The following TMPRSS6 variants were observed in gnomAD, a reference collection of about 807,000 sequenced individuals.
TMPRSS6 encodes the protein transmembrane serine protease 6.
In TMPRSS6, 67 loss-of-function variants were observed where a neutral mutation model predicts 101.5. That is an observed-to-expected ratio of 0.66 (90% CI 0.54 to 0.81). The LOEUF is 0.81. TMPRSS6 is among the 30% of genes least tolerant of loss of function. TMPRSS6 has a pLI of 0.00. For synonymous variants in TMPRSS6, 453 were observed against 464.9 expected, an observed-to-expected ratio of 0.97 and a Z score of 0.33; for missense variants, 1,034 against 1,088.7, an observed-to-expected ratio of 0.95 and a Z score of 0.71.
chr22:37,087,528 G>A (rs1928881290), intron 7 of TMPRSS6, among the ~76,000 whole-genome samples: 1 of 152,138 alleles, frequency 6.6e-6, no homozygotes, highest in Non-Finnish European at 1.5e-5. Flanking sequence ...CCGGGGATGG[G>A]GCATTTCCCC....
chr22:37,103,521 A>C lies in TMPRSS6; in HGVS notation c.-1-103T>G. ...GAAGCAGGACTTCCCTGCCTTTTGGAGTGGAAGAGTAACAACATCAGGCGG... is the reference window on the plus strand; with the variant it reads ...GAAGCAGGACTTCCCTGCCTTTTGGCGTGGAAGAGTAACAACATCAGGCGG... On this transcript the variant is annotated intron_variant, in intron 1 of 17. Coordinates refer to ENST00000676104, the MANE Select transcript of TMPRSS6 (RefSeq NM_001374504.1). This position sits in a 1 kb window ranked among gnomAD's most constrained non-coding sequence, Gnocchi z 4.4. The C allele has an allele frequency of 1.2e-6, 2 of 1,614,116 alleles. No homozygotes were observed. The highest frequency in any genetic ancestry group is 8.5e-7 in the Non-Finnish European group (1 of 1,180,028).
rs774483155 is a variant in TMPRSS6, at chr22:37,095,888, T to G, written c.589+18A>C. On this transcript the variant is annotated intron_variant, in intron 5 of 17. Transcript: ENST00000676104. ...AACCTCATGAGGCCAACCCCACGTT[T>G]CCACTCGCAGTACTGACCCAGGATC... 1.2e-6 allele frequency: 2 copies of G among 1,613,812 alleles called. No homozygotes were observed. The highest frequency in any genetic ancestry group is 3.3e-5 in the Admixed American group (2 of 60,012).
At chr22:37,080,515 C>T (rs1489526572) in intron 10 of TMPRSS6, among the ~76,000 whole-genome samples, 5 of 152,248 alleles carry the variant, frequency 3.3e-5, no homozygotes, top group Admixed American at 6.5e-5. Flanking sequence ...TCTTTGCCAC[C>T]CACACAAGCA....
intron 10 of TMPRSS6, among the ~76,000 whole-genome samples, chr22:37,081,654 G>A (rs1451672108): frequency 6.6e-6 from 1 of 152,134 alleles, no homozygotes; most frequent in East Asian, 1.9e-4. Context: ...CAGAGAGAGG[G>A]GGAGCTATGG....
chr22:37,086,248 C>G (rs375045842), intron 8 of TMPRSS6, 35 bp downstream of exon 8: 126 of 1,613,914 alleles, frequency 7.8e-5, no homozygotes, highest in Admixed American at 1.7e-4. Flanking sequence ...TCTACCACCA[C>G]CCCTCCCCTG....
At chr22:37,093,014 A>G (rs1257155505) in intron 6 of TMPRSS6, among the ~76,000 whole-genome samples, 1 of 152,088 alleles carries the variant, frequency 6.6e-6, no homozygotes, top group Non-Finnish European at 1.5e-5. Flanking sequence ...TGTCTCCCTC[A>G]TGGGGCTTAA....
chr22:37,078,814 G>A (rs1433152559), intron 10 of TMPRSS6, among the ~76,000 whole-genome samples: 6 of 144,690 alleles, frequency 4.1e-5, no homozygotes, highest in Non-Finnish European at 7.5e-5. Context: ...AAGAGGAGAA[G>A]GAGAAGAAGA....
intron 6 of TMPRSS6, among the ~76,000 whole-genome samples, chr22:37,091,816 C>T (rs1485608894): frequency 6.6e-6 from 1 of 152,190 alleles, no homozygotes; most frequent in Non-Finnish European, 1.5e-5. Flanking sequence ...CTATGACCTC[C>T]TCTGGGCAGT....
intron 5 of TMPRSS6, 34 bp from the exon 6 acceptor site, chr22:37,095,626 GA>G (rs771894330): frequency 1.0e-5 from 10 of 966,478 alleles, no homozygotes; most frequent in Non-Finnish European, 1.3e-5. Flanking sequence ...AAATAAACAA[GA>G]ACAAAAAAAA....
At chr22:37,098,063 G>C (rs113564883) in intron 3 of TMPRSS6, among the ~76,000 whole-genome samples, 308 of 86,928 alleles carry the variant, frequency 3.5e-3, no homozygotes, top group Non-Finnish European at 4.8e-3. Flanking sequence ...AACGGAGGGG[G>C]AGGAGCGGGC....
Position 37,070,530 on chromosome 22 carries a change from C to T in TMPRSS6, c.1795G>A (p.Ala599Thr), listed in dbSNP as rs1926789063. The T allele has an allele frequency of 4.3e-6, 7 of 1,613,434 alleles. No individual in the cohort carries two copies. Among genetic ancestry groups the T allele is most frequent in the South Asian group, 1.1e-5 (1 of 91,084 alleles). ...GCAGCTGTTATCACCCAGCGGTCAGCGATGAGGGCCCCCCCACAGATGTGT... is the reference window on the plus strand; with the variant it reads ...GCAGCTGTTATCACCCAGCGGTCAGTGATGAGGGCCCCCCCACAGATGTGT... ...GRHICGGALI[A>T]DRWVITAAHC... The change falls in exon 15 of 18, where the codon GCT (alanine) becomes ACT (threonine). Residue 599 changes from alanine (A) to threonine (T), a missense_variant. Physicochemically the swap from Ala to Thr is moderately conservative, Grantham distance 58. Coordinates refer to ENST00000676104, the MANE Select transcript of TMPRSS6 (RefSeq NM_001374504.1).
At chr22:37,080,385 T>TA (rs1405349177) in intron 10 of TMPRSS6, 3 of 152,274 alleles carry the variant, frequency 2.0e-5, no homozygotes, top group Admixed American at 2.0e-4. Context: ...ACTTGAGGGT[T>TA]AAGATACCCT....
chr22:37,098,653 G>T, intron 2 of TMPRSS6, 104 bp from the exon 3 acceptor site: 1 of 1,500,504 alleles, frequency 6.7e-7, no homozygotes, highest in Non-Finnish European at 9.2e-7. Context: ...CTCAGCCTCA[G>T]TGTCTTGGGT....
At position 37,096,636 on chromosome 22, in the gene TMPRSS6, A is replaced by G; in HGVS notation, c.404+12T>C. 1.3e-6 allele frequency: 2 copies of G among 1,558,934 alleles called. No homozygotes were observed. Among genetic ancestry groups the G allele is most frequent in the Non-Finnish European group, 1.7e-6 (2 of 1,150,522 alleles). ...TTCTTGCAGGAGCTGGTCAGGGGCA[A>G]GGACAACTCACCCAAAGGAATAGAC... On this transcript the variant is annotated intron_variant, in intron 4 of 17. Transcript: ENST00000676104.
In TMPRSS6 at chr22:37,075,385, G is replaced by A. The variant is rs954642160; in HGVS notation, c.1197-105C>T. 138 of 1,444,558 alleles carry A rather than the reference G, an allele frequency of 9.6e-5. No individual in the cohort carries two copies. The Middle Eastern group carries it at 1.4e-3, about 15-fold the overall frequency. 89.5% of individuals were successfully genotyped at this position (1,444,558 alleles called of 1,614,324 possible). A position where few individuals can be genotyped will look rare whatever the true frequency, so the allele number is the denominator to read the frequency against. On this transcript the variant is annotated intron_variant, in intron 10 of 17. Transcript: ENST00000676104. ...GCCAGAGGGGCAGGGGGAGCTGCACGCCCGCTGTGCCTCCTCTGCCCTGAT... is the reference window on the plus strand; with the variant it reads ...GCCAGAGGGGCAGGGGGAGCTGCACACCCGCTGTGCCTCCTCTGCCCTGAT...
chr22:37,103,713 T>A lies in TMPRSS6; in HGVS notation c.-1-295A>T. 4 of 871,592 alleles carry A rather than the reference T, an allele frequency of 4.6e-6. No homozygotes were observed. Among genetic ancestry groups the A allele is most frequent in the South Asian group, 1.4e-5 (1 of 70,372 alleles). 54.0% of individuals were successfully genotyped at this position (871,592 alleles called of 1,614,324 possible). On this transcript the variant is annotated intron_variant, in intron 1 of 17. Transcript: ENST00000676104. The surrounding 1 kb of genome is among the most constrained non-coding windows in gnomAD (Gnocchi z 4.4). ...GTCAGAGGACAGACGGAGGTCTCAG[T>A]ACCTAAACACCCACCTCCCTAGAGG...
intron 8 of TMPRSS6, 33 bp from the exon 9 acceptor site, chr22:37,084,872 C>A: frequency 6.6e-7 from 1 of 1,524,646 alleles, no homozygotes; most frequent in Non-Finnish European, 8.9e-7. Flanking sequence ...ACACAGGGGT[C>A]CCCTGGCTGC....
chr22:37,096,958 G>A (rs533921582), intron 3 of TMPRSS6, among the ~76,000 whole-genome samples: 2 of 152,232 alleles, frequency 1.3e-5, no homozygotes, highest in East Asian at 1.9e-4. Context: ...CTGCACTGCT[G>A]ATGACCCCTC....
rs1926333135 is a variant in TMPRSS6 at position 37,066,823 on chromosome 22, C to A, written c.2250+3G>T. On this transcript the variant is annotated splice_donor_region_variant and intron_variant, in intron 17 of 17. Transcript: ENST00000676104. ...CTCTCCCTCCCATGCCCGGGGGACT[C>A]ACCTGACAGGCATCCTTCTTGCCCT... 6.2e-7 allele frequency: 1 copy of A among 1,614,092 alleles called. No homozygotes were observed. The highest frequency in any genetic ancestry group is 8.5e-7 in the Non-Finnish European group (1 of 1,180,042).
Sources: gnomAD v4.1 joint callset for allele counts (sites outside exome capture counted in the v4.1 genomes callset) on GRCh38, gnomAD v4.1.1 for gene constraint, Gnocchi (gnomAD v3.1) non-coding constraint, MANE v1.5 for transcripts, NCBI Gene and HGNC (gene_info 2026-07-23, HGNC 2026-07-21) for gene names.